The following FAM204A variants were observed in gnomAD, a reference collection of about 807,000 sequenced individuals.
The protein encoded by FAM204A is family with sequence similarity 204 member A.
A neutral mutation model predicts 35.4 loss-of-function variants in FAM204A; 16 were observed. That is an observed-to-expected ratio of 0.45 (90% CI 0.31 to 0.69). The LOEUF is 0.69. Among genes scored for constraint, FAM204A ranks in the 30% least tolerant of loss-of-function variants. The pLI is 0.07. For synonymous variants in FAM204A, 76 were observed against 86.9 expected, an observed-to-expected ratio of 0.88 and a Z score of 0.70; for missense variants, 240 against 265.7, an observed-to-expected ratio of 0.90 and a Z score of 0.67.
At position 118,341,854 on chromosome 10, in the gene FAM204A, T is replaced by G. The variant is rs1846489194; in HGVS notation, c.-136A>C. On this transcript the variant is annotated 5_prime_UTR_variant, in exon 2 of 9. Coordinates refer to ENST00000369183, the MANE Select transcript of FAM204A (RefSeq NM_022063.3). ...CAATCCCAAAAGAGAGAGAAGCCCC[T>G]CCCGGGCACAGAACTAAGCGCTGCA... The G allele has an allele frequency of 6.6e-6, 1 of 152,190 alleles. No homozygotes were observed. The highest frequency in any genetic ancestry group is 2.1e-4 in the South Asian group (1 of 4,832). 9.4% of individuals were successfully genotyped at this position (152,190 alleles called of 1,614,324 possible).
chr10:118,340,285 C>G (rs942203548), intron 2 of FAM204A, among the ~76,000 whole-genome samples: 2 of 151,972 alleles, frequency 1.3e-5, no homozygotes, highest in Non-Finnish European at 2.9e-5. Context: ...TAATAAAAAC[C>G]GTTCTAGATT....
intron 7 of FAM204A, among the ~76,000 whole-genome samples, chr10:118,319,568 C>T (rs746230921): frequency 2.0e-5 from 3 of 151,816 alleles, no homozygotes; most frequent in Non-Finnish European, 4.4e-5. Flanking sequence ...TTTGATACAC[C>T]GTGGTTATAT....
rs1213031953 is a variant in FAM204A, at chr10:118,305,411, C to T, written c.*5446G>A. 1.3e-5 allele frequency: 2 copies of T among 152,166 alleles called. No individual in the cohort carries two copies. Among genetic ancestry groups the T allele is most frequent in the East Asian group, 1.9e-4 (1 of 5,180 alleles). 9.4% of individuals were successfully genotyped at this position (152,166 alleles called of 1,614,324 possible). Reference sequence around the variant, plus strand: ...GCAGAACAAACATTTGCATTCATTCCTGAGTCAAACCCCACCAATGCTCCT... The same window carrying T: ...GCAGAACAAACATTTGCATTCATTCTTGAGTCAAACCCCACCAATGCTCCT... On this transcript the variant is annotated 3_prime_UTR_variant, in exon 9 of 9. Transcript: ENST00000369183.
At chr10:118,323,804 A>G (rs1846156432) in intron 7 of FAM204A, among the ~76,000 whole-genome samples, 1 of 152,162 alleles carries the variant, frequency 6.6e-6, no homozygotes, top group Admixed American at 6.6e-5. Flanking sequence ...CTATACTTGA[A>G]AGTAACTATA....
rs1430089420 is a variant in FAM204A, at chr10:118,301,828, T to C, written c.*9029A>G. ...AGAGATTAAGTAGCCTGCCGGAGGT[T>C]ACACAGCTTGTAAGTAGCAGAGCTG... On this transcript the variant is annotated 3_prime_UTR_variant, in exon 9 of 9. Coordinates refer to ENST00000369183, the MANE Select transcript of FAM204A (RefSeq NM_022063.3). The C allele has an allele frequency of 2.0e-5, 3 of 152,330 alleles. No homozygotes were observed. In the South Asian group the frequency reaches 6.2e-4, roughly 32 times the overall value. The allele number at this position is 152,330 out of a possible 1,614,324, so 9.4% of individuals were successfully genotyped here. A position where few individuals can be genotyped will look rare whatever the true frequency, so the allele number is the denominator to read the frequency against.
At chr10:118,324,391 C>T (rs192992074) in intron 7 of FAM204A, among the ~76,000 whole-genome samples, 22 of 152,244 alleles carry the variant, frequency 1.4e-4, no homozygotes, top group Admixed American at 1.0e-3. Flanking sequence ...CAGCATTATT[C>T]GTAATGGTCA....
At chr10:118,335,676 T>C (rs1296223635) in intron 3 of FAM204A, 35 bp from the exon 4 acceptor site, 1 of 1,454,348 alleles carries the variant, frequency 6.9e-7, no homozygotes, top group Admixed American at 2.0e-5. Flanking sequence ...GAAGCAAATA[T>C]ACTTTCCAGA....
At chr10:118,321,182 A>G (rs1387419043) in intron 7 of FAM204A, among the ~76,000 whole-genome samples, 1 of 152,016 alleles carries the variant, frequency 6.6e-6, no homozygotes, top group Non-Finnish European at 1.5e-5. Flanking sequence ...CCAAAAGGAC[A>G]CCTATCATGC....
chr10:118,323,557 T>G (rs961707262), intron 7 of FAM204A, among the ~76,000 whole-genome samples: 1 of 152,104 alleles, frequency 6.6e-6, no homozygotes, highest in South Asian at 2.1e-4. Context: ...TGCTGCCTTG[T>G]GTGCTTTTCA....
intron 7 of FAM204A, among the ~76,000 whole-genome samples, chr10:118,313,571 T>C (rs542835806): frequency 1.3e-5 from 2 of 152,306 alleles, no homozygotes; most frequent in East Asian, 1.9e-4. Flanking sequence ...AAGATGCATA[T>C]AGGTCTCTCC....
intron 6 of FAM204A, among the ~76,000 whole-genome samples, chr10:118,334,354 C>T (rs368647465): frequency 2.0e-5 from 3 of 152,160 alleles, no homozygotes; most frequent in East Asian, 1.9e-4. Context: ...CCTATCACCT[C>T]GCAAGCAATC....
chr10:118,328,227 T>C (rs1032146105), intron 6 of FAM204A, among the ~76,000 whole-genome samples: 2 of 152,154 alleles, frequency 1.3e-5, no homozygotes, highest in Non-Finnish European at 2.9e-5. Context: ...TCTACCTAAT[T>C]CATCTGCTTT....
chr10:118,313,318 A>G (rs573225176), intron 7 of FAM204A, among the ~76,000 whole-genome samples: 27 of 152,298 alleles, frequency 1.8e-4, no homozygotes, highest in African/African-American at 6.5e-4. Context: ...CGGCATCTCA[A>G]CATGTGGCTT....
Position 118,308,797 on chromosome 10 carries a change from T to G in FAM204A, c.*2060A>C. On this transcript the variant is annotated 3_prime_UTR_variant, in exon 9 of 9. Coordinates refer to ENST00000369183, the MANE Select transcript of FAM204A (RefSeq NM_022063.3). Reference sequence around the variant, plus strand: ...CTGGACAGGATCCCAAGTCAGACCCTACAGGAGGCCACTCTGGCAAGGCTT... The same window carrying G: ...CTGGACAGGATCCCAAGTCAGACCCGACAGGAGGCCACTCTGGCAAGGCTT... 1 of 151,254 alleles carries G rather than the reference T, an allele frequency of 6.6e-6. No individual in the cohort carries two copies. The allele number at this position is 151,254 out of a possible 1,614,324, so 9.4% of individuals were successfully genotyped here. A position where few individuals can be genotyped will look rare whatever the true frequency, so the allele number is the denominator to read the frequency against.
rs1391873951 is a variant in FAM204A, at chr10:118,310,047, T to C, written c.*810A>G. 1 of 152,208 alleles carries C rather than the reference T, an allele frequency of 6.6e-6. No homozygotes were observed. Among genetic ancestry groups the C allele is most frequent in the Non-Finnish European group, 1.5e-5 (1 of 68,038 alleles). 9.4% of individuals were successfully genotyped at this position (152,208 alleles called of 1,614,324 possible). On this transcript the variant is annotated 3_prime_UTR_variant, in exon 9 of 9. Coordinates refer to ENST00000369183, the MANE Select transcript of FAM204A (RefSeq NM_022063.3). ...TAAAAAAAAACAGTAACTACTTTTATAACATTAAGGTCAAGTCATTTGTAA... is the reference window on the plus strand; with the variant it reads ...TAAAAAAAAACAGTAACTACTTTTACAACATTAAGGTCAAGTCATTTGTAA...
intron 6 of FAM204A, chr10:118,326,447 T>G: frequency 1.9e-6 from 1 of 513,172 alleles, no homozygotes; most frequent in Non-Finnish European, 3.4e-6. Context: ...TGTAACTTCT[T>G]GAACTAATAA....
intron 6 of FAM204A, among the ~76,000 whole-genome samples, chr10:118,333,621 C>T (rs774413493): frequency 6.6e-6 from 1 of 152,106 alleles, no homozygotes; most frequent in South Asian, 2.1e-4. Context: ...ATGCAAGAAT[C>T]GGGCTTCACT....
At position 118,304,450 on chromosome 10, in the gene FAM204A, C is replaced by A; in HGVS notation, c.*6407G>T. ...CACCCAACTCTTCCCCGCACAAGTC[C>A]AATCTCCCCAGCATCTCTCAAAGTT... On this transcript the variant is annotated 3_prime_UTR_variant, in exon 9 of 9. Coordinates refer to ENST00000369183, the MANE Select transcript of FAM204A (RefSeq NM_022063.3). 1 of 152,522 alleles carries A rather than the reference C, an allele frequency of 6.6e-6. No individual in the cohort carries two copies. The highest frequency in any genetic ancestry group is 1.5e-5 in the Non-Finnish European group (1 of 68,108). The allele number at this position is 152,522 out of a possible 1,614,324, so 9.4% of individuals were successfully genotyped here.
At chr10:118,313,001 C>T (rs751003381) in intron 7 of FAM204A, among the ~76,000 whole-genome samples, 1 of 151,934 alleles carries the variant, frequency 6.6e-6, no homozygotes, top group Non-Finnish European at 1.5e-5. Context: ...GAAAAGTTCA[C>T]GTAAGTCAAC....
Sources: gnomAD v4.1 joint callset for allele counts (sites outside exome capture counted in the v4.1 genomes callset) on GRCh38, gnomAD v4.1.1 for gene constraint, MANE v1.5 for transcripts, NCBI Gene and HGNC (gene_info 2026-07-23, HGNC 2026-07-21) for gene names.